TNFRSF11A: variants seen among roughly 807,000 people sequenced by gnomAD.
The protein encoded by TNFRSF11A is tumor necrosis factor receptor superfamily member 11A.
TNFRSF11A carries 32 observed loss-of-function variants against 55.7 expected under a neutral mutation model. That is an observed-to-expected ratio of 0.57 (90% CI 0.43 to 0.77). The LOEUF is 0.77. Among genes scored for constraint, TNFRSF11A ranks in the 30% least tolerant of loss-of-function variants. The probability of loss-of-function intolerance (pLI) is 0.00; values close to 1 mark genes in which losing one functional copy is unlikely to be tolerated. For missense variants in TNFRSF11A, 753 were observed against 809.8 expected (o/e 0.93, Z 0.85); for synonymous variants, 311 against 331.0 (o/e 0.94, Z 0.65).
At chr18:62,384,399 CCTT>C (rs1911522405) in intron 9 of TNFRSF11A, among the ~76,000 whole-genome samples, 1 of 140,832 alleles carries the variant, frequency 7.1e-6, no homozygotes, top group Non-Finnish European at 1.6e-5. Flanking sequence ...CCTCCTCCCC[CCTT>C]CTTGTTCCTC....
chr18:62,328,571 A>T (rs1336583321), intron 1 of TNFRSF11A, among the ~76,000 whole-genome samples: 1 of 152,218 alleles, frequency 6.6e-6, no homozygotes. Context: ...AAAGTCGACT[A>T]ATCAGAAGCA....
intron 2 of TNFRSF11A, among the ~76,000 whole-genome samples, chr18:62,348,882 T>G (rs1490876099): frequency 1.3e-5 from 2 of 152,234 alleles, no homozygotes; most frequent in Non-Finnish European, 2.9e-5. Context: ...CTACAATTAT[T>G]TATTGGATGT....
chr18:62,381,684 A>C (rs764128675), intron 9 of TNFRSF11A, among the ~76,000 whole-genome samples: 1 of 152,244 alleles, frequency 6.6e-6, no homozygotes, highest in Non-Finnish European at 1.5e-5. Flanking sequence ...CATGGTGTAT[A>C]TTAAAACTAG....
chr18:62,341,935 G>A (rs1421168815), intron 1 of TNFRSF11A, among the ~76,000 whole-genome samples: 1 of 144,664 alleles, frequency 6.9e-6, no homozygotes, highest in African/African-American at 2.6e-5. Flanking sequence ...CAAACTGGAA[G>A]CCCAGTTTCG....
At chr18:62,332,618 G>A (rs966726204) in intron 1 of TNFRSF11A, among the ~76,000 whole-genome samples, 5 of 152,102 alleles carry the variant, frequency 3.3e-5, no homozygotes, top group African/African-American at 1.2e-4. Flanking sequence ...AAAACCAGTT[G>A]GTCAATGTCT....
At chr18:62,334,950 A>AGGGGGC (rs1457791225) in intron 1 of TNFRSF11A, among the ~76,000 whole-genome samples, 2 of 152,102 alleles carry the variant, frequency 1.3e-5, no homozygotes, top group African/African-American at 2.4e-5. Context: ...TGTGAGATCA[A>AGGGGGC]GGGGGCAGTT....
chr18:62,348,899 C>G (rs2046423477), intron 2 of TNFRSF11A, among the ~76,000 whole-genome samples: 1 of 152,290 alleles, frequency 6.6e-6, no homozygotes, highest in African/African-American at 2.4e-5. Context: ...ATGTGCAGAA[C>G]CAAGATCCAG....
chr18:62,328,810 C>A (rs1166028654), intron 1 of TNFRSF11A, among the ~76,000 whole-genome samples: 1 of 152,202 alleles, frequency 6.6e-6, no homozygotes, highest in East Asian at 1.9e-4. Context: ...AAATGCCTCC[C>A]CTGTTATTTC....
At chr18:62,344,337 G>A (rs372753702) in intron 1 of TNFRSF11A, among the ~76,000 whole-genome samples, 7 of 152,192 alleles carry the variant, frequency 4.6e-5, no homozygotes, top group African/African-American at 1.7e-4. Context: ...AGTCTTAAAG[G>A]TGAACTAGAA....
At chr18:62,354,732 G>C (rs558338279) in intron 4 of TNFRSF11A, among the ~76,000 whole-genome samples, 198 bp downstream of exon 4, 1 of 152,334 alleles carries the variant, frequency 6.6e-6, no homozygotes, top group East Asian at 1.9e-4. Context: ...CCTCGGCTTA[G>C]GTTCTTCAAA....
chr18:62,332,555 C>T (rs1490760518), intron 1 of TNFRSF11A, among the ~76,000 whole-genome samples: 2 of 152,214 alleles, frequency 1.3e-5, no homozygotes, highest in African/African-American at 2.4e-5. Context: ...AGACCTAAAT[C>T]TAACATGTCA....
chr18:62,382,107 C>CTTTTTTTTT (rs574488222), intron 9 of TNFRSF11A, among the ~76,000 whole-genome samples: 5 of 89,468 alleles, frequency 5.6e-5, no homozygotes, highest in Non-Finnish European at 6.3e-5. Context: ...TTCCTGAGTC[C>CTTTTTTTTT]TTTTTTTTTT....
At chr18:62,377,436 G>T (rs1910977208) in intron 9 of TNFRSF11A, among the ~76,000 whole-genome samples, 1 of 152,184 alleles carries the variant, frequency 6.6e-6, no homozygotes. Flanking sequence ...TATGATAACT[G>T]TATGTTCAGT....
intron 6 of TNFRSF11A, among the ~76,000 whole-genome samples, chr18:62,360,704 C>T (rs1909620894): frequency 6.6e-6 from 1 of 152,118 alleles, no homozygotes; most frequent in South Asian, 2.1e-4. Flanking sequence ...GCCTTGGTCT[C>T]CCAAAGTGCT....
intron 1 of TNFRSF11A, among the ~76,000 whole-genome samples, chr18:62,342,050 ACCTTGTC>A (rs2046319251): frequency 6.6e-6 from 1 of 151,608 alleles, no homozygotes; most frequent in South Asian, 2.1e-4. Context: ...CGCTCAAGGT[ACCTTGTC>A]CCCTCCTCCA....
chr18:62,360,200 G>A (rs892441661), intron 6 of TNFRSF11A, 151 bp downstream of exon 6: 4 of 684,698 alleles, frequency 5.8e-6, no homozygotes, highest in Non-Finnish European at 1.1e-5. Context: ...ATTCTCATCA[G>A]TATTTTAATT....
intron 3 of TNFRSF11A, among the ~76,000 whole-genome samples, chr18:62,352,699 G>A (rs56173102): frequency 0.056 from 8,518 of 152,292 alleles, 258 homozygotes; most frequent in African/African-American, 0.067. Flanking sequence ...GTCTGTGGAC[G>A]TTCCCATGTG....
At chr18:62,345,321 T>C (rs1382596964) in intron 1 of TNFRSF11A, among the ~76,000 whole-genome samples, 1 of 152,210 alleles carries the variant, frequency 6.6e-6, no homozygotes, top group African/African-American at 2.4e-5. Context: ...TAAAGAGTTT[T>C]CCAGATTTCC....
At position 62,390,459 on chromosome 18, in the gene TNFRSF11A, G is replaced by C. The variant is rs755932187; in HGVS notation, c.*5425G>C. 6.6e-6 allele frequency: 1 copy of C among 152,210 alleles called. No homozygotes were observed. The highest frequency in any genetic ancestry group is 1.5e-5 in the Non-Finnish European group (1 of 68,060). 9.4% of individuals were successfully genotyped at this position (152,210 alleles called of 1,614,324 possible). ...CATGGTATTCCTGGTGCCTCTCCCC[G>C]TTTGGGAAGAATAACACATTGACCA... is the stretch of plus-strand genomic sequence containing the variant. On this transcript the variant is annotated 3_prime_UTR_variant, in exon 10 of 10. Transcript: ENST00000586569.
Sources: gnomAD v4.1 joint callset for allele counts (sites outside exome capture counted in the v4.1 genomes callset) on GRCh38, gnomAD v4.1.1 for gene constraint, MANE v1.5 for transcripts, NCBI Gene and HGNC (gene_info 2026-07-23, HGNC 2026-07-21) for gene names.